Variants in METTL22 observed in about 807,000 individuals in gnomAD.
The protein encoded by METTL22 is methyltransferase 22, Kin17 lysine.
Under a neutral mutation model 48.4 loss-of-function variants are expected in METTL22, and 51 were observed. The ratio of observed to expected loss-of-function variants is 1.05; its 90% confidence interval spans 0.84 to 1.33. The LOEUF (loss-of-function observed/expected upper bound fraction) is 1.33, where lower values mean the gene tolerates loss of function less well. Among genes scored for constraint, METTL22 ranks in the 40% most tolerant of loss-of-function variants. METTL22 has a pLI of 0.00. For synonymous variants in METTL22, 255 were observed against 214.1 expected (o/e 1.19, Z -1.67); for missense variants, 678 against 526.9 (o/e 1.29, Z -2.81).
intron 2 of METTL22, among the ~76,000 whole-genome samples, chr16:8,628,152 C>T (rs962106246): frequency 1.3e-3 from 195 of 152,338 alleles, no homozygotes; most frequent in African/African-American, 4.6e-3. Context: ...GTAATTAACA[C>T]AGCCTGTAAT....
chr16:8,657,334 G>A, the METTL22 span, among the ~76,000 whole-genome samples: 3 of 152,128 alleles, frequency 2.0e-5, no homozygotes, highest in Non-Finnish European at 4.4e-5. Flanking sequence ...CTCGGTTGAG[G>A]CTAAGTTAAT....
chr16:8,623,330 C>T (rs796217779), intron 1 of METTL22, among the ~76,000 whole-genome samples: 51 of 149,356 alleles, frequency 3.4e-4, no homozygotes, highest in African/African-American at 9.8e-4. Flanking sequence ...AAAAAAAATG[C>T]GCTATGGCAA....
chr16:8,658,446 C>A, the METTL22 span, among the ~76,000 whole-genome samples: 1 of 152,196 alleles, frequency 6.6e-6, no homozygotes, highest in African/African-American at 2.4e-5. Context: ...TAAAGAAACA[C>A]TACAAGCCAC....
the METTL22 span, among the ~76,000 whole-genome samples, chr16:8,660,608 C>A: frequency 6.6e-6 from 1 of 151,902 alleles, no homozygotes; most frequent in Admixed American, 6.6e-5. Flanking sequence ...ACTTTTAATA[C>A]ATACTCACTA....
intron 5 of METTL22, among the ~76,000 whole-genome samples, chr16:8,637,324 A>G (rs1043575675): frequency 6.6e-6 from 1 of 152,226 alleles, no homozygotes; most frequent in African/African-American, 2.4e-5. Flanking sequence ...TGACAATGTC[A>G]TGTAAATTAT....
At chr16:8,661,063 C>T in the METTL22 span, among the ~76,000 whole-genome samples, 2 of 152,164 alleles carry the variant, frequency 1.3e-5, no homozygotes, top group Non-Finnish European at 2.9e-5. Flanking sequence ...CCCCAGGTTC[C>T]GCGGCTTGAG....
chr16:8,641,181 A>T lies in METTL22; in HGVS notation c.823A>T (p.Thr275Ser). 6.2e-7 allele frequency: 1 copy of T among 1,614,002 alleles called. No individual in the cohort carries two copies. The highest frequency in any genetic ancestry group is 8.5e-7 in the Non-Finnish European group (1 of 1,179,944). The change falls in exon 7 of 11, where the codon ACA (threonine) becomes TCA (serine). Residue 275 changes from threonine to serine, a missense_variant. Coordinates refer to ENST00000381920, the MANE Select transcript of METTL22 (RefSeq NM_024109.4). ...ELDWLKDDLC[T>S]DPKVPFSWSQ... The stretch of plus-strand genomic sequence containing the variant: ...GGACTGGCTGAAGGACGACCTCTGC[A>T]CAGGTGTGTGTTTCTCTCGGACGTC...
At chr16:8,644,255 G>A (rs956750927) in intron 9 of METTL22, among the ~76,000 whole-genome samples, 2 of 152,166 alleles carry the variant, frequency 1.3e-5, no homozygotes, top group African/African-American at 2.4e-5. Flanking sequence ...CCTGGAGGGC[G>A]TCCTCAAGTG....
At chr16:8,628,255 C>G (rs1273359638) in intron 2 of METTL22, among the ~76,000 whole-genome samples, 2 of 152,202 alleles carry the variant, frequency 1.3e-5, no homozygotes, top group African/African-American at 4.8e-5. Flanking sequence ...CCCCCAGCAC[C>G]TGGCATGGTA....
At chr16:8,631,535 C>T (rs1017043672) in intron 3 of METTL22, 1 of 152,274 alleles carries the variant, frequency 6.6e-6, no homozygotes, top group Admixed American at 6.5e-5. Flanking sequence ...ACATACAAAG[C>T]TCTTAGCGTA....
chr16:8,659,411 C>T, the METTL22 span, among the ~76,000 whole-genome samples: 3 of 151,976 alleles, frequency 2.0e-5, 1 homozygote, highest in South Asian at 4.1e-4. Flanking sequence ...GAGCTGGCAT[C>T]ATATGAATTG....
In METTL22 at chr16:8,635,225, C is replaced by G; in HGVS notation, c.613C>G (p.Arg205Gly). The G allele has an allele frequency of 6.2e-7, 1 of 1,611,498 alleles. No individual in the cohort carries two copies. The highest frequency in any genetic ancestry group is 8.5e-7 in the Non-Finnish European group (1 of 1,178,624). Residue 205 changes from arginine (R) to glycine (G), a missense_variant, in exon 5 of 11, where the codon CGA (arginine) becomes GGA (glycine). By Grantham distance (125) the Arg-to-Gly change is moderately radical (BLOSUM62 -2). Transcript: ENST00000381920. ...DYILFRQDLF[R>G]GCTALELGAG... ...CATCCTGTTCCGACAGGACCTCTTCCGAGGATGTACAGCGCTGGAGCTCGG... is the reference window on the plus strand; with the variant it reads ...CATCCTGTTCCGACAGGACCTCTTCGGAGGATGTACAGCGCTGGAGCTCGG...
rs903296639 is a variant in METTL22, at chr16:8,649,093, C to T, written c.*2950C>T. 6.6e-6 allele frequency: 1 copy of T among 152,232 alleles called. No homozygotes were observed. Among genetic ancestry groups the T allele is most frequent in the Admixed American group, 6.5e-5 (1 of 15,282 alleles). 9.4% of individuals were successfully genotyped at this position (152,232 alleles called of 1,614,324 possible). A position where few individuals can be genotyped will look rare whatever the true frequency, so the allele number is the denominator to read the frequency against. ...CTAATGGTGACAATTTCCTAGCACT[C>T]CTGGGTACAAGTCCATAAATGTAAT... On this transcript the variant is annotated 3_prime_UTR_variant, in exon 11 of 11. Transcript: ENST00000381920.
At chr16:8,662,098 T>C in the METTL22 span, among the ~76,000 whole-genome samples, 1 of 145,046 alleles carries the variant, frequency 6.9e-6, no homozygotes, top group Admixed American at 7.0e-5. Flanking sequence ...AACAATCAGC[T>C]GGGTGCAGTG....
chr16:8,642,755 G>A, intron 9 of METTL22, 190 bp downstream of exon 9: 1 of 634,192 alleles, frequency 1.6e-6, no homozygotes. Flanking sequence ...AGCCCTGTGT[G>A]CAGGCGCTGC....
rs1392692294 is a variant in METTL22 at position 8,639,170 on chromosome 16, C to G, written c.772+8C>G. On this transcript the variant is annotated splice_region_variant and intron_variant, in intron 6 of 10. Transcript: ENST00000381920. Reference sequence around the variant, plus strand: ...ACCTGGCTGCCACTGGAGGTGAGGCCCAGGGGGTCTTCTGCCAGGGAGGGA... The same window carrying G: ...ACCTGGCTGCCACTGGAGGTGAGGCGCAGGGGGTCTTCTGCCAGGGAGGGA... 6.2e-7 allele frequency: 1 copy of G among 1,613,784 alleles called. No homozygotes were observed. Among genetic ancestry groups the G allele is most frequent in the South Asian group, 1.1e-5 (1 of 91,078 alleles).
the METTL22 span, among the ~76,000 whole-genome samples, chr16:8,661,303 G>C: frequency 0.64 from 96,472 of 151,382 alleles, 32,125 homozygotes; most frequent in East Asian, 0.91. Context: ...AGAGCCGCCA[G>C]TACCCAGCTA....
At chr16:8,624,232 T>G (rs972436713) in intron 1 of METTL22, 4 of 152,244 alleles carry the variant, frequency 2.6e-5, no homozygotes, top group African/African-American at 9.6e-5. Flanking sequence ...TCCCACCTGT[T>G]CTTGACCACT....
At chr16:8,623,805 T>C (rs1351509157) in intron 1 of METTL22, 2 of 152,170 alleles carry the variant, frequency 1.3e-5, no homozygotes, top group Non-Finnish European at 2.9e-5. Flanking sequence ...TCCAGCAGTG[T>C]ACTGGGATCA....
Sources: gnomAD v4.1 joint callset for allele counts (sites outside exome capture counted in the v4.1 genomes callset) on GRCh38, gnomAD v4.1.1 for gene constraint, MANE v1.5 for transcripts, NCBI Gene and HGNC (gene_info 2026-07-23, HGNC 2026-07-21) for gene names.